The following NXPH2 variants were observed in gnomAD, a reference collection of about 807,000 sequenced individuals.
The protein encoded by NXPH2 is neurexophilin-2.
In NXPH2, 5 loss-of-function variants were observed where a neutral mutation model predicts 19.8. The ratio of observed to expected loss-of-function variants is 0.25; its 90% CI spans 0.13 to 0.53. The LOEUF (loss-of-function observed/expected upper bound fraction) is 0.53. Among genes scored for constraint, NXPH2 ranks in the 20% least tolerant of loss-of-function variants. The pLI is 0.96. For synonymous variants in NXPH2, 154 were observed against 127.4 expected, an observed-to-expected ratio of 1.21 and a Z score of -1.41; for missense variants, 289 against 322.8, an observed-to-expected ratio of 0.90 and a Z score of 0.80.
At chr2:138,736,597 C>A (rs1681542745) in intron 1 of NXPH2, among the ~76,000 whole-genome samples, 1 of 152,176 alleles carries the variant, frequency 6.6e-6, no homozygotes, top group African/African-American at 2.4e-5. Flanking sequence ...AGACCTCTGA[C>A]ATTCCCTGGA....
chr2:138,769,572 G>T (rs761352796), intron 1 of NXPH2, among the ~76,000 whole-genome samples: 1 of 152,156 alleles, frequency 6.6e-6, no homozygotes, highest in African/African-American at 2.4e-5. Flanking sequence ...TGCTGAGCAG[G>T]CTGTAACCAA....
intron 1 of NXPH2, among the ~76,000 whole-genome samples, chr2:138,758,025 A>C (rs149221920): frequency 6.6e-5 from 10 of 152,298 alleles, no homozygotes; most frequent in Non-Finnish European, 1.5e-4. Context: ...GGGAAGCACA[A>C]GGATGAATGA....
chr2:138,776,113 A>T (rs1437075434), intron 1 of NXPH2, among the ~76,000 whole-genome samples: 1 of 152,154 alleles, frequency 6.6e-6, no homozygotes, highest in East Asian at 1.9e-4. Context: ...CGACTAAATC[A>T]TTCAAGGTGT....
chr2:138,685,930 T>G (rs1680644290), intron 1 of NXPH2, among the ~76,000 whole-genome samples: 1 of 152,218 alleles, frequency 6.6e-6, no homozygotes, highest in Non-Finnish European at 1.5e-5. Context: ...CTTCCTCTTG[T>G]ATATTCCTTG....
At chr2:138,677,389 A>G (rs1038178660) in intron 1 of NXPH2, among the ~76,000 whole-genome samples, 2 of 152,222 alleles carry the variant, frequency 1.3e-5, no homozygotes, top group Non-Finnish European at 2.9e-5. Context: ...ATGTCTTGGC[A>G]GGGTGTATCA....
intron 1 of NXPH2, among the ~76,000 whole-genome samples, chr2:138,713,961 CAAACAA>C (rs1438415256): frequency 7.3e-6 from 1 of 137,374 alleles, no homozygotes; most frequent in Non-Finnish European, 1.6e-5. Flanking sequence ...AACAAAGAAA[CAAACAA>C]AAAAGCAAAA....
Position 138,766,635 on chromosome 2 carries a change from A to G in NXPH2, c.51+13556T>C, listed in dbSNP as rs1488115425. Among the ~76,000 whole-genome samples, 6 of 152,178 alleles carry G rather than the reference A, an allele frequency of 3.9e-5. No homozygotes were observed. In the East Asian group the frequency reaches 1.2e-3, roughly 29 times the overall value. ...TGGCCTCTGCTTTCCCACTTCCAGA[A>G]GTCAACTCATGGCCACAGGAGCATG... On this transcript the variant is annotated intron_variant, in intron 1 of 1. Transcript: ENST00000272641.
At chr2:138,711,184 G>C (rs1052613765) in intron 1 of NXPH2, among the ~76,000 whole-genome samples, 1 of 111,654 alleles carries the variant, frequency 9.0e-6, no homozygotes, top group African/African-American at 3.4e-5. Flanking sequence ...TCTGTCACCT[G>C]GGCTGGAGTG....
At chr2:138,728,437 C>G (rs1039757858) in intron 1 of NXPH2, among the ~76,000 whole-genome samples, 7 of 152,146 alleles carry the variant, frequency 4.6e-5, no homozygotes, top group African/African-American at 7.2e-5. Context: ...TTTCCATCTT[C>G]CATGTATAAC....
intron 1 of NXPH2, among the ~76,000 whole-genome samples, chr2:138,727,174 A>G (rs1318925964): frequency 6.6e-6 from 1 of 152,058 alleles, no homozygotes; most frequent in Non-Finnish European, 1.5e-5. Context: ...TTATTTATCC[A>G]CTCACCCATC....
intron 1 of NXPH2, among the ~76,000 whole-genome samples, chr2:138,746,599 C>A (rs2105009349): frequency 6.6e-6 from 1 of 152,318 alleles, no homozygotes; most frequent in South Asian, 2.1e-4. Context: ...CATTGTCAGT[C>A]CTCCAGGAAG....
At chr2:138,674,173 T>A (rs1050449539) in intron 1 of NXPH2, among the ~76,000 whole-genome samples, 11 of 151,862 alleles carry the variant, frequency 7.2e-5, no homozygotes, top group South Asian at 4.2e-4. Context: ...TCTTTTTTTT[T>A]AATACAGTCT....
intron 1 of NXPH2, among the ~76,000 whole-genome samples, chr2:138,686,067 T>C (rs1295017744): frequency 1.3e-5 from 2 of 152,174 alleles, no homozygotes; most frequent in African/African-American, 4.8e-5. Context: ...CCTGGACCTC[T>C]CACAACTTTT....
At chr2:138,699,845 G>A (rs6735181) in intron 1 of NXPH2, among the ~76,000 whole-genome samples, 76,890 of 152,088 alleles carry the variant, frequency 0.51, 21,532 homozygotes, top group South Asian at 0.75. Context: ...AATTCAAAAG[G>A]TCGAAAGTAA....
At chr2:138,706,186 T>C (rs72988925) in intron 1 of NXPH2, among the ~76,000 whole-genome samples, 1,826 of 152,338 alleles carry the variant, frequency 0.012, 49 homozygotes, top group African/African-American at 0.042. Flanking sequence ...ATTTTCTCTG[T>C]GCCTGTTATC....
At chr2:138,771,948 AAGAG>A (rs1387687266) in intron 1 of NXPH2, among the ~76,000 whole-genome samples, 1 of 152,126 alleles carries the variant, frequency 6.6e-6, no homozygotes, top group African/African-American at 2.4e-5. Flanking sequence ...AAGAAAGAAA[AAGAG>A]AGCAAAAGCC....
At chr2:138,744,163 G>A (rs1165643491) in intron 1 of NXPH2, among the ~76,000 whole-genome samples, 1 of 151,980 alleles carries the variant, frequency 6.6e-6, no homozygotes, top group African/African-American at 2.4e-5. Context: ...AATTATATGT[G>A]TTTTCAGTAG....
intron 1 of NXPH2, among the ~76,000 whole-genome samples, chr2:138,767,756 A>G (rs1052010229): frequency 3.0e-4 from 45 of 152,074 alleles, no homozygotes; most frequent in African/African-American, 1.0e-3. Flanking sequence ...AAATTTCACC[A>G]ATTTGTTATT....
intron 1 of NXPH2, among the ~76,000 whole-genome samples, chr2:138,723,161 C>T (rs996997680): frequency 1.1e-5 from 1 of 88,036 alleles, no homozygotes; most frequent in Non-Finnish European, 2.5e-5. Flanking sequence ...CACAAACAGA[C>T]AAGCAAGCAA....
Sources: allele counts gnomAD v4.1 joint callset (sites outside exome capture counted in the v4.1 genomes callset), GRCh38; gene constraint gnomAD v4.1.1; transcripts MANE v1.5; gene names NCBI Gene and HGNC (gene_info 2026-07-23, HGNC 2026-07-21).